Variants in GLMN observed in about 807,000 individuals in gnomAD.
GLMN encodes the protein glomulin, FKBP associated protein.
GLMN carries 75 observed loss-of-function variants against 87.8 expected under a neutral mutation model. The observed-to-expected ratio is 0.85, with a 90% CI of 0.71 to 1.04. The LOEUF (loss-of-function observed/expected upper bound fraction) is 1.04, where lower values mean the gene tolerates loss of function less well. Ranked by LOEUF, GLMN falls within the 50% of genes least tolerant of loss-of-function variation. The probability of loss-of-function intolerance (pLI) is 0.00; values close to 1 mark genes in which losing one functional copy is unlikely to be tolerated. For synonymous variants in GLMN, 206 were observed against 221.6 expected, an observed-to-expected ratio of 0.93 and a Z score of 0.63; for missense variants, 588 against 658.8, an observed-to-expected ratio of 0.89 and a Z score of 1.18.
At chr1:92,265,076 C>T (rs917575291) in intron 13 of GLMN, among the ~76,000 whole-genome samples, 3 of 152,026 alleles carry the variant, frequency 2.0e-5, no homozygotes, top group East Asian at 1.9e-4. Context: ...CTCCTGACCT[C>T]GTGATCCGCC....
At chr1:92,328,784 G>A in the GLMN span, among the ~76,000 whole-genome samples, 276 of 152,304 alleles carry the variant, frequency 1.8e-3, 2 homozygotes, top group Admixed American at 3.0e-3. Context: ...CTGTGAGAAG[G>A]AAGATCTGGG....
the GLMN span, among the ~76,000 whole-genome samples, chr1:92,350,487 C>A: frequency 6.6e-6 from 1 of 152,156 alleles, no homozygotes; most frequent in Non-Finnish European, 1.5e-5. Context: ...AGACTTTACT[C>A]TTAGATCTGA....
At chr1:92,264,322 C>A (rs1235881174) in intron 14 of GLMN, among the ~76,000 whole-genome samples, 1 of 151,758 alleles carries the variant, frequency 6.6e-6, no homozygotes, top group African/African-American at 2.4e-5. Flanking sequence ...TCAAAAAAAA[C>A]AAAAACAAAA....
intron 7 of GLMN, among the ~76,000 whole-genome samples, chr1:92,273,230 A>G (rs1656433259): frequency 6.6e-6 from 1 of 152,204 alleles, no homozygotes; most frequent in Admixed American, 6.5e-5. Context: ...AAAAGGAACC[A>G]TGGAAAATCA....
At chr1:92,360,423 T>C in the GLMN span, among the ~76,000 whole-genome samples, 3 of 152,296 alleles carry the variant, frequency 2.0e-5, no homozygotes, top group East Asian at 5.8e-4. Flanking sequence ...TACTCTTTTC[T>C]TATGGTTGGC....
the GLMN span, among the ~76,000 whole-genome samples, chr1:92,366,214 G>T: frequency 2.0e-5 from 3 of 152,140 alleles, no homozygotes; most frequent in African/African-American, 7.2e-5. Flanking sequence ...GAGGTAGAAG[G>T]ATTGCTTGAG....
chr1:92,262,994 A>C (rs1655217266), intron 15 of GLMN, 68 bp from the exon 16 acceptor site: 1 of 685,988 alleles, frequency 1.5e-6, no homozygotes, highest in Non-Finnish European at 2.7e-6. Flanking sequence ...TCAATAAGCT[A>C]AAACTTTGGT....
At chr1:92,333,924 C>G in the GLMN span, among the ~76,000 whole-genome samples, 4 of 152,162 alleles carry the variant, frequency 2.6e-5, no homozygotes, top group Admixed American at 6.5e-5. Flanking sequence ...AGTTTTTGTT[C>G]AACTCAACGT....
chr1:92,304,465 T>C, the GLMN span: 2,690 of 530,132 alleles, frequency 5.1e-3, 10 homozygotes, highest in Non-Finnish European at 6.7e-3. Context: ...AAAGAAACTT[T>C]AAAATCTTAC....
At position 92,297,460 on chromosome 1, in the gene GLMN, T is replaced by C. The variant is rs1450855516; in HGVS notation, c.109A>G (p.Ile37Val). ...GLFQLAGQRC[I>V]EEGHTDQLLE... ...AGCTGGTCTGTGTGCCCTTCTTCTA[T>C]GCATCTTTGCCCAGCTAACTGAAAT... Residue 37 changes from isoleucine to valine, a missense_variant, in exon 3 of 19, where the codon ATA becomes GTA. Physicochemically the swap from Ile to Val is conservative, Grantham distance 29 (BLOSUM62 3). Transcript: ENST00000370360. The C allele has an allele frequency of 2.5e-6, 4 of 1,611,888 alleles. No individual in the cohort carries two copies. The highest frequency in any genetic ancestry group is 1.7e-5 in the Admixed American group (1 of 59,922).
the GLMN span, among the ~76,000 whole-genome samples, chr1:92,360,041 C>T: frequency 1.3e-5 from 2 of 152,178 alleles, no homozygotes; most frequent in Admixed American, 1.3e-4. Flanking sequence ...GAAATAGGCT[C>T]TGTAAAAACA....
intron 14 of GLMN, 111 bp downstream of exon 14, chr1:92,264,443 A>G: frequency 1.5e-6 from 1 of 646,576 alleles, no homozygotes; most frequent in South Asian, 1.8e-5. Context: ...ATAATATTTA[A>G]GTAATAGTAA....
chr1:92,256,984 G>A (rs887450752), intron 16 of GLMN, among the ~76,000 whole-genome samples: 2 of 152,126 alleles, frequency 1.3e-5, no homozygotes, highest in African/African-American at 2.4e-5. Context: ...TGCAGATAAC[G>A]TGATTGTATA....
chr1:92,274,052 C>T (rs1417273203), intron 7 of GLMN, among the ~76,000 whole-genome samples: 1 of 152,206 alleles, frequency 6.6e-6, no homozygotes, highest in Non-Finnish European at 1.5e-5. Context: ...CCCAACCACA[C>T]CACACTTACC....
intron 3 of GLMN, among the ~76,000 whole-genome samples, chr1:92,295,943 TA>T (rs1312453511): frequency 6.6e-6 from 1 of 152,102 alleles, no homozygotes; most frequent in Admixed American, 6.5e-5. Context: ...AGAACGCAAT[TA>T]GAAAAAAATC....
intron 16 of GLMN, 64 bp from the exon 17 acceptor site, chr1:92,248,053 G>A (rs552303288): frequency 1.3e-5 from 10 of 774,126 alleles, no homozygotes; most frequent in Admixed American, 1.8e-5. Context: ...TATTAAACGC[G>A]ATAAAAGCTC....
chr1:92,246,720 T>C, intron 18 of GLMN, 74 bp from the exon 19 acceptor site: 1 of 814,744 alleles, frequency 1.2e-6, no homozygotes, highest in Admixed American at 1.8e-5. Context: ...AGAAAAGATT[T>C]CAGCTGGAGG....
At position 92,266,497 on chromosome 1, in the gene GLMN, A is replaced by G. The variant is rs775692664; in HGVS notation, c.1141-5T>C. The G allele has an allele frequency of 6.6e-7, 1 of 1,519,562 alleles. No homozygotes were observed. Among genetic ancestry groups the G allele is most frequent in the Non-Finnish European group, 9.1e-7 (1 of 1,096,260 alleles). The allele number at this position is 1,519,562 out of a possible 1,614,324, so 94.1% of individuals were successfully genotyped here. On this transcript the variant is annotated splice_region_variant and splice_polypyrimidine_tract_variant and intron_variant, in intron 12 of 18. Transcript: ENST00000370360. Reference sequence around the variant, plus strand: ...CATAGCTAAACTCTTTTTCCTCTAAAATGGAACAAACAATATTATTATATA... The same window carrying G: ...CATAGCTAAACTCTTTTTCCTCTAAGATGGAACAAACAATATTATTATATA...
In GLMN at chr1:92,264,625, T is replaced by A; in HGVS notation, c.1228A>T (p.Thr410Ser). The A allele has an allele frequency of 6.4e-7, 1 of 1,571,820 alleles. No individual in the cohort carries two copies. Among genetic ancestry groups the A allele is most frequent in the Non-Finnish European group, 8.8e-7 (1 of 1,141,614 alleles). Residue 410 changes from threonine (T) to serine (S), a missense_variant, in exon 14 of 19, where the codon ACA becomes TCA. Physicochemically the swap from Thr to Ser is moderately conservative, Grantham distance 58. Coordinates refer to ENST00000370360, the MANE Select transcript of GLMN (RefSeq NM_053274.3). Reference sequence around the variant, plus strand: ...GCCTCCACACCTGAGTGATTACTTGTATTCAATAAGCACCTTGAAAGCAAA... The same window carrying A: ...GCCTCCACACCTGAGTGATTACTTGAATTCAATAAGCACCTTGAAAGCAAA... ...KYTLFRCLLN[T>S]SNHSGVEAFI... is the part of the protein sequence containing the mutation.
Sources: allele counts gnomAD v4.1 joint callset (sites outside exome capture counted in the v4.1 genomes callset), GRCh38; gene constraint gnomAD v4.1.1; transcripts MANE v1.5; gene names NCBI Gene and HGNC (gene_info 2026-07-23, HGNC 2026-07-21).